NBN: variants seen among roughly 807,000 people sequenced by gnomAD.
NBN encodes Nijmegen breakage syndrome 1 (nibrin).
In NBN, 88 loss-of-function variants were observed where a neutral mutation model predicts 90.8. That is an observed-to-expected ratio of 0.97 (90% CI 0.82 to 1.16). NBN has a LOEUF of 1.16. Ranked by LOEUF, NBN falls within the 50% of genes most tolerant of loss-of-function variation. The pLI is 0.00. For missense variants in NBN, 894 were observed against 869.6 expected (o/e 1.03, Z -0.35); for synonymous variants, 328 against 295.1 (o/e 1.11, Z -1.14).
intron 14 of NBN, 129 bp downstream of exon 14, chr8:89,943,124 G>T: frequency 2.2e-6 from 2 of 890,478 alleles, no homozygotes; most frequent in Non-Finnish European, 1.8e-6. Flanking sequence ...CTGTAACTCA[G>T]GAATGCTCCT....
intron 5 of NBN, among the ~76,000 whole-genome samples, chr8:89,974,184 G>A (rs930218820): frequency 2.7e-5 from 4 of 150,670 alleles, no homozygotes; most frequent in African/African-American, 9.8e-5. Context: ...TCAATATCTG[G>A]ACAGCTGTTT....
At position 89,953,464 on chromosome 8, in the gene NBN, G is replaced by A. The variant is rs760911186; in HGVS notation, c.1625C>T (p.Ala542Val). ...VKNSASKSHA[A>V]EKLRSNKKRE... is the part of the protein sequence containing the mutation. ...TTTTTTATTTGATCTTAGCTTTTCT[G>A]CAGCATGAGATTTACTGGCAGAATT... Residue 542 changes from alanine to valine, a missense_variant, in exon 11 of 16, where the codon GCA (alanine) becomes GTA (valine). Coordinates refer to ENST00000265433, the MANE Select transcript of NBN (RefSeq NM_002485.5). 2 of 1,613,556 alleles carry A rather than the reference G, an allele frequency of 1.2e-6. No homozygotes were observed. Among genetic ancestry groups the A allele is most frequent in the East Asian group, 2.2e-5 (1 of 44,836 alleles).
intron 1 of NBN, chr8:89,984,187 T>C (rs1481377958): frequency 1.1e-5 from 5 of 447,212 alleles, no homozygotes; most frequent in Non-Finnish European, 8.1e-6. Flanking sequence ...GGGTTCCCAC[T>C]AGGCGCCTGC....
rs1809731805 is a variant in NBN, at chr8:89,937,178, C to G, written c.2185-103G>C. ...CTGTCATCTTAGAGATTTCCACATCCTGGAGGTCACCACATCTGAGTTCTT... is the reference window on the plus strand; with the variant it reads ...CTGTCATCTTAGAGATTTCCACATCGTGGAGGTCACCACATCTGAGTTCTT... On this transcript the variant is annotated intron_variant, in intron 14 of 15. Transcript: ENST00000265433. 7.7e-6 allele frequency: 8 copies of G among 1,042,436 alleles called. No homozygotes were observed. In the South Asian group the frequency reaches 1.1e-4, roughly 14 times the overall value. The allele number at this position is 1,042,436 out of a possible 1,614,324, so 64.6% of individuals were successfully genotyped here.
At chr8:89,947,782 C>T (rs766549831) in intron 12 of NBN, 42 bp downstream of exon 12, 26 of 1,221,626 alleles carry the variant, frequency 2.1e-5, no homozygotes, top group African/African-American at 1.7e-4. Flanking sequence ...TGACAGTCCC[C>T]GTAAGCCAAA....
chr8:89,981,822 C>T lies in NBN; in HGVS notation c.172-299G>A, dbSNP rs992938644. On this transcript the variant is annotated intron_variant, in intron 2 of 15. Coordinates refer to ENST00000265433, the MANE Select transcript of NBN (RefSeq NM_002485.5). ...CATTTGAGAATTTTTTGCTTTGGTG[C>T]AGTCTGTTTCATTTAAAACATGACA... is the stretch of plus-strand genomic sequence containing the variant. 24 of 545,252 alleles carry T rather than the reference C, an allele frequency of 4.4e-5. No individual in the cohort carries two copies. The Admixed American group carries it at 7.3e-4, about 17-fold the overall frequency. The allele number at this position is 545,252 out of a possible 1,614,324, so 33.8% of individuals were successfully genotyped here.
chr8:89,980,916 T>C (rs369395097), intron 3 of NBN, 23 bp from the exon 4 acceptor site: 1 of 1,607,710 alleles, frequency 6.2e-7, no homozygotes, highest in African/African-American at 1.3e-5. Context: ...ATAAGTTAAA[T>C]AAAGTCATAG....
intron 5 of NBN, among the ~76,000 whole-genome samples, chr8:89,976,822 CAG>C (rs893572276): frequency 6.6e-6 from 1 of 152,068 alleles, no homozygotes; most frequent in African/African-American, 2.4e-5. Context: ...TATATTTTTC[CAG>C]AGTCCAAATA....
In NBN at chr8:89,964,390, T is replaced by C. The variant is rs756077531; in HGVS notation, c.994+20A>G. ...CATAATAAAGTTGCTAACGAATCAA[T>C]AAAATAATGCTTCAATTACCTGTAC... On this transcript the variant is annotated intron_variant, in intron 8 of 15. Coordinates refer to ENST00000265433, the MANE Select transcript of NBN (RefSeq NM_002485.5). 1.5e-5 allele frequency: 25 copies of C among 1,613,098 alleles called. No homozygotes were observed. Among genetic ancestry groups the C allele is most frequent in the Non-Finnish European group, 1.8e-5 (21 of 1,179,434 alleles).
intron 13 of NBN, 51 bp from the exon 14 acceptor site, chr8:89,943,417 A>C (rs767907954): frequency 6.4e-7 from 1 of 1,555,210 alleles, no homozygotes; most frequent in Non-Finnish European, 8.9e-7. Context: ...AACAAAAATG[A>C]CCATTTTTTT....
intron 14 of NBN, among the ~76,000 whole-genome samples, chr8:89,941,435 G>A (rs138232937): frequency 6.6e-6 from 1 of 152,216 alleles, no homozygotes; most frequent in South Asian, 2.1e-4. Flanking sequence ...ATAATTGTAT[G>A]TGAAGTTAAT....
chr8:89,970,635 T>C (rs778013730), intron 6 of NBN, 78 bp from the exon 7 acceptor site: 118 of 1,381,054 alleles, frequency 8.5e-5, no homozygotes, highest in Admixed American at 6.1e-4. Flanking sequence ...TTGGGAAACA[T>C]AGAAGTACAA....
At chr8:89,981,645 A>C in intron 2 of NBN, 122 bp from the exon 3 acceptor site, 2 of 978,812 alleles carry the variant, frequency 2.0e-6, no homozygotes, top group East Asian at 2.5e-5. Flanking sequence ...GCAGACAACA[A>C]TTACTGCTTC....
intron 14 of NBN, among the ~76,000 whole-genome samples, chr8:89,941,595 A>G (rs1046552657): frequency 6.6e-6 from 1 of 152,156 alleles, no homozygotes; most frequent in African/African-American, 2.4e-5. Flanking sequence ...CCTCCTATCA[A>G]TGTCTCTCTC....
At chr8:89,939,657 A>G (rs79742036) in intron 14 of NBN, among the ~76,000 whole-genome samples, 6,222 of 152,300 alleles carry the variant, frequency 0.041, 174 homozygotes, top group South Asian at 0.091. Context: ...AAAGTGCTAC[A>G]CAACTGGTCA....
At position 89,955,503 on chromosome 8, in the gene NBN, A is replaced by G. The variant is rs941732827; in HGVS notation, c.1177T>C (p.Phe393Leu). The G allele has an allele frequency of 1.2e-5, 19 of 1,613,488 alleles. No individual in the cohort carries two copies. The highest frequency in any genetic ancestry group is 1.5e-5 in the Non-Finnish European group (18 of 1,179,734). ...EIKVSKMEQK[F>L]RMLSQDAPTV... Reference sequence around the variant, plus strand: ...GGTGCATCTTGTGAAAGCATTCTGAATTTTTGTTCCATTTTGGAGACTTTG... The same window carrying G: ...GGTGCATCTTGTGAAAGCATTCTGAGTTTTTGTTCCATTTTGGAGACTTTG... The change falls in exon 10 of 16, where the codon TTC becomes CTC. Residue 393 changes from phenylalanine to leucine, a missense_variant. Phe to Leu is a conservative substitution (Grantham distance 22). Transcript: ENST00000265433.
intron 8 of NBN, among the ~76,000 whole-genome samples, chr8:89,961,686 G>A (rs929222255): frequency 1.3e-5 from 2 of 152,184 alleles, no homozygotes; most frequent in South Asian, 4.1e-4. Context: ...GGCGAGGTCG[G>A]GAGGAGGAAG....
chr8:89,974,066 A>G (rs1020084125), intron 5 of NBN, among the ~76,000 whole-genome samples: 4 of 152,142 alleles, frequency 2.6e-5, no homozygotes, highest in African/African-American at 4.8e-5. Flanking sequence ...AACCTACAGT[A>G]TATCATTTTC....
intron 7 of NBN, among the ~76,000 whole-genome samples, chr8:89,969,813 G>A (rs1811421338): frequency 6.6e-6 from 1 of 152,068 alleles, no homozygotes; most frequent in Non-Finnish European, 1.5e-5. Context: ...TTAGCTGGGT[G>A]TGGTGGTGCA....
Sources: gnomAD v4.1 joint callset for allele counts (sites outside exome capture counted in the v4.1 genomes callset) on GRCh38, gnomAD v4.1.1 for gene constraint, MANE v1.5 for transcripts, NCBI Gene and HGNC (gene_info 2026-07-23, HGNC 2026-07-21) for gene names.